The following PDE1B variants were observed in gnomAD, a reference collection of about 807,000 sequenced individuals.
PDE1B encodes phosphodiesterase 1B.
In PDE1B, 13 loss-of-function variants were observed where a neutral mutation model predicts 66.7. That is an observed-to-expected ratio of 0.19 (90% CI 0.13 to 0.31). The LOEUF (loss-of-function observed/expected upper bound fraction) is 0.31. Ranked by LOEUF, PDE1B falls within the 10% of genes least tolerant of loss-of-function variation. PDE1B has a pLI of 1.00. For synonymous variants in PDE1B, 230 were observed against 253.9 expected, an observed-to-expected ratio of 0.91 and a Z score of 0.90; for missense variants, 485 against 682.3, an observed-to-expected ratio of 0.71 and a Z score of 3.22.
At chr12:54,567,531 A>T (rs1957537394) in intron 3 of PDE1B, among the ~76,000 whole-genome samples, 1 of 113,216 alleles carries the variant, frequency 8.8e-6, no homozygotes, top group African/African-American at 3.8e-5. Context: ...AAATAAATAA[A>T]AAAAATAAAA....
At position 54,569,302 on chromosome 12, in the gene PDE1B, G is replaced by A. The variant is rs748432256; in HGVS notation, c.346G>A (p.Ala116Thr). The change falls in exon 4 of 16, where the codon GCA (alanine) becomes ACA (threonine). Residue 116 changes from alanine to threonine, a missense_variant. By Grantham distance (58) the Ala-to-Thr change is moderately conservative. Around this residue, in one of 4 missense-constraint regions of PDE1B, gnomAD observed 282 missense variants for 453.4 expected, o/e 0.62. Coordinates refer to ENST00000243052, the MANE Select transcript of PDE1B (RefSeq NM_000924.4). This position sits in a 1 kb window ranked among gnomAD's most constrained non-coding sequence, Gnocchi z 4.4. ...GCAGGCCCGGGCCAAAGGCCGCCGAGCAGAGGAGAAGCCCAAGTTCCGAAG... is the reference window on the plus strand; with the variant it reads ...GCAGGCCCGGGCCAAAGGCCGCCGAACAGAGGAGAAGCCCAAGTTCCGAAG... ...TQQARAKGRR[A>T]EEKPKFRSIV... 6 of 1,614,056 alleles carry A rather than the reference G, an allele frequency of 3.7e-6. No homozygotes were observed. In the East Asian group the frequency reaches 1.1e-4, roughly 30 times the overall value.
intron 2 of PDE1B, among the ~76,000 whole-genome samples, chr12:54,557,104 C>A (rs12423459): frequency 0.23 from 35,287 of 151,964 alleles, 4,194 homozygotes; most frequent in Admixed American, 0.27. Context: ...CACAGGCCAA[C>A]GGAATTGCCA....
intron 2 of PDE1B, chr12:54,561,309 T>C: frequency 2.8e-6 from 1 of 354,934 alleles, no homozygotes; most frequent in Non-Finnish European, 4.8e-6. Context: ...CTGGGCTTCT[T>C]CTGAGAACAG....
intron 2 of PDE1B, among the ~76,000 whole-genome samples, chr12:54,556,234 A>C (rs1957340408): frequency 6.6e-6 from 1 of 152,180 alleles, no homozygotes; most frequent in Admixed American, 6.5e-5. Context: ...AAGTGAGACA[A>C]CTGGGGAGAC....
chr12:54,575,501 G>T lies in PDE1B; in HGVS notation c.1186-50G>T, dbSNP rs199512774. On this transcript the variant is annotated intron_variant, in intron 11 of 15. Coordinates refer to ENST00000243052, the MANE Select transcript of PDE1B (RefSeq NM_000924.4). This position sits in a 1 kb window ranked among gnomAD's most constrained non-coding sequence, Gnocchi z 4.0. The stretch of plus-strand genomic sequence containing the variant: ...ACTTGCCACCTGTACCCCAGATCTG[G>T]TAGGTCTGAGGTATCCTCTCCAGCT... The T allele has an allele frequency of 4.6e-6, 6 of 1,308,936 alleles. No individual in the cohort carries two copies. The East Asian group carries it at 1.4e-4, about 30-fold the overall frequency. The allele number at this position is 1,308,936 out of a possible 1,614,324, so 81.1% of individuals were successfully genotyped here.
intron 2 of PDE1B, among the ~76,000 whole-genome samples, chr12:54,553,802 C>A (rs995572432): frequency 6.6e-6 from 1 of 151,974 alleles, no homozygotes; most frequent in African/African-American, 2.4e-5. Context: ...GAGCCTGGAA[C>A]TGAAGGAGTT....
Position 54,573,040 on chromosome 12 carries a change from T to C in PDE1B, c.736-108T>C. The C allele has an allele frequency of 1.2e-6, 1 of 858,208 alleles. No individual in the cohort carries two copies. The highest frequency in any genetic ancestry group is 1.9e-6 in the Non-Finnish European group (1 of 518,388). 53.2% of individuals were successfully genotyped at this position (858,208 alleles called of 1,614,324 possible). On this transcript the variant is annotated intron_variant, in intron 7 of 15. Coordinates refer to ENST00000243052, the MANE Select transcript of PDE1B (RefSeq NM_000924.4). This position sits in a 1 kb window ranked among gnomAD's most constrained non-coding sequence, Gnocchi z 5.2. ...TGGCTGCATTAACCAAGAGCTGGCC[T>C]GGAAGCATGGAAGGGATGGGATGAG...
chr12:54,572,803 C>G (rs1032730536), intron 7 of PDE1B, 62 bp downstream of exon 7: 1 of 1,489,230 alleles, frequency 6.7e-7, no homozygotes. Context: ...ACTGGGAGGT[C>G]TAGACTGTAC....
At chr12:54,553,709 G>A (rs1592363539) in intron 2 of PDE1B, among the ~76,000 whole-genome samples, 2 of 152,166 alleles carry the variant, frequency 1.3e-5, no homozygotes, top group African/African-American at 4.8e-5. Flanking sequence ...GGAAATGGAG[G>A]TGGAGGAAAG....
intron 2 of PDE1B, among the ~76,000 whole-genome samples, chr12:54,550,937 A>G (rs1319453703): frequency 1.3e-5 from 2 of 152,224 alleles, no homozygotes; most frequent in Non-Finnish European, 2.9e-5. Context: ...AGCTGCTGCC[A>G]TTGGGAAATC....
At position 54,577,213 on chromosome 12, in the gene PDE1B, G is replaced by A. The variant is rs758877977; in HGVS notation, c.1508-12G>A. On this transcript the variant is annotated splice_polypyrimidine_tract_variant and intron_variant, in intron 14 of 15. Transcript: ENST00000243052. ...TTGGCCTAAGCTCAGCCTCCTTTAT[G>A]CTCCTCTACAGGCATCACCAACCAG... 8 of 1,609,286 alleles carry A rather than the reference G, an allele frequency of 5.0e-6. No individual in the cohort carries two copies. Among genetic ancestry groups the A allele is most frequent in the South Asian group, 4.4e-5 (4 of 90,760 alleles).
intron 2 of PDE1B, among the ~76,000 whole-genome samples, chr12:54,560,096 G>A (rs994279551): frequency 2.0e-5 from 3 of 152,128 alleles, no homozygotes; most frequent in East Asian, 1.9e-4. Flanking sequence ...ATCTGCAGCA[G>A]CCCTGCTTCA....
At chr12:54,551,234 C>A (rs2121016421) in intron 2 of PDE1B, among the ~76,000 whole-genome samples, 1 of 152,274 alleles carries the variant, frequency 6.6e-6, no homozygotes, top group East Asian at 1.9e-4. Flanking sequence ...AAGATGACAC[C>A]TTTTTATGGC....
chr12:54,572,447 T>TA, intron 6 of PDE1B, 154 bp from the exon 7 acceptor site: 1 of 706,124 alleles, frequency 1.4e-6, no homozygotes, highest in Non-Finnish European at 2.5e-6. Flanking sequence ...CAGCAGGTGG[T>TA]AGAGGCAGGA....
chr12:54,562,180 G>A (rs915046014), intron 2 of PDE1B, among the ~76,000 whole-genome samples: 5 of 152,152 alleles, frequency 3.3e-5, no homozygotes, highest in Admixed American at 6.5e-5. Flanking sequence ...TGCTGGAAGC[G>A]GAGGCAGGGG....
At chr12:54,562,848 C>T (rs1472080864) in intron 2 of PDE1B, among the ~76,000 whole-genome samples, 1 of 152,184 alleles carries the variant, frequency 6.6e-6, no homozygotes, top group Non-Finnish European at 1.5e-5. Flanking sequence ...TTTCCCCTCC[C>T]TCCCTGCCTC....
Position 54,569,472 on chromosome 12 carries a change from C to T in PDE1B, c.411-74C>T. ...CAGCCATATGATCCCATGGCTCATC[C>T]CCACATCCCCAGCTGGCCACACCTC... On this transcript the variant is annotated intron_variant, in intron 4 of 15. Coordinates refer to ENST00000243052, the MANE Select transcript of PDE1B (RefSeq NM_000924.4). This position sits in a 1 kb window ranked among gnomAD's most constrained non-coding sequence, Gnocchi z 4.4. The T allele has an allele frequency of 1.3e-6, 2 of 1,578,294 alleles. No individual in the cohort carries two copies. Among genetic ancestry groups the T allele is most frequent in the South Asian group, 2.2e-5 (2 of 89,742 alleles).
At chr12:54,577,455 A>G in intron 15 of PDE1B, 110 bp downstream of exon 15, 1 of 1,604,526 alleles carries the variant, frequency 6.2e-7, no homozygotes, top group Non-Finnish European at 8.5e-7. Flanking sequence ...CCTTTTGAGC[A>G]GTAAAATGGA....
In PDE1B at chr12:54,569,413, C is replaced by G. The variant is rs1158787775; in HGVS notation, c.410+47C>G. 1 of 1,589,834 alleles carries G rather than the reference C, an allele frequency of 6.3e-7. No individual in the cohort carries two copies. On this transcript the variant is annotated intron_variant, in intron 4 of 15. Coordinates refer to ENST00000243052, the MANE Select transcript of PDE1B (RefSeq NM_000924.4). The surrounding 1 kb of genome is among the most constrained non-coding windows in gnomAD (Gnocchi z 4.4). ...CCTCCCTCTGCCTTTAGCTGTGCCCCTCTTTCCCAGCCACCCTGGTCTTCC... is the reference window on the plus strand; with the variant it reads ...CCTCCCTCTGCCTTTAGCTGTGCCCGTCTTTCCCAGCCACCCTGGTCTTCC...
Sources: gnomAD v4.1 joint callset for allele counts (sites outside exome capture counted in the v4.1 genomes callset) on GRCh38, gnomAD v4.1.1 for gene constraint, gnomAD v4.1.1 regional missense constraint, Gnocchi (gnomAD v3.1) non-coding constraint, MANE v1.5 for transcripts, NCBI Gene and HGNC (gene_info 2026-07-23, HGNC 2026-07-21) for gene names.